Variants in DOCK3 observed in about 807,000 individuals in gnomAD.
The protein encoded by DOCK3 is dedicator of cytokinesis protein 3.
DOCK3 carries 60 observed loss-of-function variants against 265.6 expected under a neutral mutation model. The ratio of observed to expected loss-of-function variants is 0.23; its 90% CI spans 0.18 to 0.28. The LOEUF (loss-of-function observed/expected upper bound fraction) is 0.28, where lower values mean the gene tolerates loss of function less well. Ranked by LOEUF, DOCK3 falls within the 10% of genes least tolerant of loss-of-function variation. The probability of loss-of-function intolerance (pLI) is 1.00; values close to 1 mark genes in which losing one functional copy is unlikely to be tolerated. For missense variants in DOCK3, 1,981 were observed against 2,594.3 expected, an observed-to-expected ratio of 0.76 and a Z score of 5.14; for synonymous variants, 881 against 938.0, an observed-to-expected ratio of 0.94 and a Z score of 1.11.
chr3:51,145,153 A>G (rs559938562), intron 9 of DOCK3, among the ~76,000 whole-genome samples: 29 of 152,298 alleles, frequency 1.9e-4, no homozygotes, highest in African/African-American at 6.0e-4. Context: ...TAGCTATAAC[A>G]CATCATTTCT....
chr3:50,741,162 C>T (rs1312015878), intron 1 of DOCK3, among the ~76,000 whole-genome samples: 1 of 150,978 alleles, frequency 6.6e-6, no homozygotes, highest in Non-Finnish European at 1.5e-5. Context: ...ATGTATATAT[C>T]CCCCATTTTG....
intron 2 of DOCK3, among the ~76,000 whole-genome samples, chr3:50,839,086 G>A (rs1229784398): frequency 8.5e-5 from 13 of 152,196 alleles, no homozygotes; most frequent in Non-Finnish European, 5.9e-5. Context: ...TGTCACATTT[G>A]CATTATCATT....
In DOCK3 at chr3:50,681,632, C is replaced by G. The variant is rs74917829; in HGVS notation, c.37+6332C>G. 7.6e-3 allele frequency among the ~76,000 whole-genome samples: 1,161 copies of G among 152,192 alleles called. 18 individuals are homozygous for G. Among genetic ancestry groups the G allele is most frequent in the African/African-American group, 0.027 (1,117 of 41,500 alleles). On this transcript the variant is annotated intron_variant, in intron 1 of 52. Coordinates refer to ENST00000266037, the MANE Select transcript of DOCK3 (RefSeq NM_004947.5). Reference sequence around the variant, plus strand: ...ATCACCAAATTATTTTAGCTAAGTACTTGCAGTTGATTTGCTATATCACAC... The same window carrying G: ...ATCACCAAATTATTTTAGCTAAGTAGTTGCAGTTGATTTGCTATATCACAC...
chr3:50,758,247 C>G (rs1020446531), intron 1 of DOCK3, among the ~76,000 whole-genome samples: 2 of 150,836 alleles, frequency 1.3e-5, no homozygotes, highest in African/African-American at 4.9e-5. Flanking sequence ...TTATCCCCCC[C>G]GCCCCAGAGT....
intron 5 of DOCK3, among the ~76,000 whole-genome samples, chr3:50,990,900 T>C (rs1201266358): frequency 6.6e-6 from 1 of 152,172 alleles, no homozygotes; most frequent in Non-Finnish European, 1.5e-5. Context: ...CTAACTCAAA[T>C]GTTAATCTCC....
intron 4 of DOCK3, among the ~76,000 whole-genome samples, chr3:50,931,791 C>T (rs1213105741): frequency 3.3e-5 from 5 of 152,164 alleles, no homozygotes; most frequent in South Asian, 2.1e-4. Flanking sequence ...CTGGTGGAGC[C>T]GAGTGCCTAA....
chr3:51,304,598 G>A (rs1455932140), intron 27 of DOCK3, among the ~76,000 whole-genome samples: 3 of 152,212 alleles, frequency 2.0e-5, no homozygotes, highest in Admixed American at 6.5e-5. Context: ...TCCTGGTGGC[G>A]TAGGCCCACA....
chr3:51,303,023 T>C (rs997483279), intron 27 of DOCK3, among the ~76,000 whole-genome samples: 2 of 152,194 alleles, frequency 1.3e-5, no homozygotes, highest in Admixed American at 6.5e-5. Context: ...TTTTTCATCT[T>C]GGTTCTGTTC....
At chr3:50,824,794 T>C (rs1559689172) in intron 2 of DOCK3, among the ~76,000 whole-genome samples, 1 of 152,198 alleles carries the variant, frequency 6.6e-6, no homozygotes, top group Non-Finnish European at 1.5e-5. Context: ...CTAATAACCT[T>C]TGAGCTACGA....
chr3:50,809,383 G>A (rs1482222781), intron 2 of DOCK3, among the ~76,000 whole-genome samples: 1 of 152,160 alleles, frequency 6.6e-6, no homozygotes, highest in Non-Finnish European at 1.5e-5. Context: ...ACCACCAGAT[G>A]GCCACTAGAA....
At chr3:51,087,458 A>G (rs538154012) in intron 7 of DOCK3, among the ~76,000 whole-genome samples, 1 of 152,296 alleles carries the variant, frequency 6.6e-6, no homozygotes, top group South Asian at 2.1e-4. Context: ...AAAACTCTCA[A>G]CAAGTTAGAC....
chr3:51,109,088 A>G (rs1181581993), intron 9 of DOCK3, among the ~76,000 whole-genome samples: 2 of 151,182 alleles, frequency 1.3e-5, no homozygotes, highest in Non-Finnish European at 2.9e-5. Context: ...TCTTATCTGC[A>G]CATGGCACAT....
intron 1 of DOCK3, among the ~76,000 whole-genome samples, chr3:50,689,804 TTACCCACTGCTCACCTCC>T: frequency 6.6e-6 from 1 of 152,310 alleles, no homozygotes; most frequent in South Asian, 2.1e-4. Context: ...CTTTGCTTCT[TTACCCACTGCTCACCTCC>T]TGCTGTGTGG....
At chr3:50,976,665 G>A (rs1210679538) in intron 5 of DOCK3, among the ~76,000 whole-genome samples, 1 of 151,960 alleles carries the variant, frequency 6.6e-6, no homozygotes, top group African/African-American at 2.4e-5. Context: ...AGGTCTGCTT[G>A]GTGCAGAGCT....
intron 49 of DOCK3, among the ~76,000 whole-genome samples, chr3:51,372,492 G>A (rs2087762625): frequency 6.6e-6 from 1 of 152,216 alleles, no homozygotes; most frequent in Non-Finnish European, 1.5e-5. Context: ...CCTGGCTACA[G>A]CCTTCAGGCT....
At chr3:51,048,937 AG>A (rs2080883053) in intron 5 of DOCK3, among the ~76,000 whole-genome samples, 1 of 152,154 alleles carries the variant, frequency 6.6e-6, no homozygotes, top group South Asian at 2.1e-4. Context: ...GCAGCACAGC[AG>A]TATCACCAGA....
At chr3:50,805,346 G>T (rs936256121) in intron 2 of DOCK3, among the ~76,000 whole-genome samples, 2 of 152,286 alleles carry the variant, frequency 1.3e-5, no homozygotes, top group South Asian at 4.1e-4. Flanking sequence ...GCTTGCTGGG[G>T]CTGTTTCTCT....
intron 27 of DOCK3, among the ~76,000 whole-genome samples, chr3:51,292,108 A>G (rs2081816545): frequency 6.6e-6 from 1 of 152,242 alleles, no homozygotes; most frequent in Non-Finnish European, 1.5e-5. Context: ...AATAAATATC[A>G]TATATGATAA....
intron 4 of DOCK3, among the ~76,000 whole-genome samples, chr3:50,930,226 C>T (rs2108127564): frequency 6.6e-6 from 1 of 152,354 alleles, no homozygotes; most frequent in Admixed American, 6.5e-5. Flanking sequence ...TCTTGCATAT[C>T]ATTTCTGCAT....
Sources: allele counts gnomAD v4.1 joint callset (sites outside exome capture counted in the v4.1 genomes callset), GRCh38; gene constraint gnomAD v4.1.1; transcripts MANE v1.5; gene names NCBI Gene and HGNC (gene_info 2026-07-23, HGNC 2026-07-21).